The following SYNJ2BP variants were observed in gnomAD, a reference collection of about 807,000 sequenced individuals.
SYNJ2BP encodes the protein synaptojanin-2-binding protein.
In SYNJ2BP, 10 loss-of-function variants were observed where a neutral mutation model predicts 16.9. The ratio of observed to expected loss-of-function variants is 0.59; its 90% CI spans 0.36 to 1.00. The LOEUF is 1.00. Ranked by LOEUF, SYNJ2BP falls within the 50% of genes least tolerant of loss-of-function variation. SYNJ2BP has a pLI of 0.01. For synonymous variants in SYNJ2BP, 54 were observed against 68.4 expected (o/e 0.79, Z 1.04); for missense variants, 162 against 186.7 (o/e 0.87, Z 0.77).
chr14:70,405,599 T>C (rs1888328636), intron 1 of SYNJ2BP, among the ~76,000 whole-genome samples: 1 of 152,088 alleles, frequency 6.6e-6, no homozygotes, highest in African/African-American at 2.4e-5. Context: ...CTCAAAATAA[T>C]GGGTTTTGGG....
intron 2 of SYNJ2BP, among the ~76,000 whole-genome samples, chr14:70,384,941 T>C (rs1284817393): frequency 6.6e-6 from 1 of 152,194 alleles, no homozygotes; most frequent in Non-Finnish European, 1.5e-5. Flanking sequence ...CTGATATGTC[T>C]TCTATCTCTG....
At chr14:70,413,691 G>T (rs1264982778) in intron 1 of SYNJ2BP, among the ~76,000 whole-genome samples, 1 of 152,176 alleles carries the variant, frequency 6.6e-6, no homozygotes, top group African/African-American at 2.4e-5. Flanking sequence ...CCTAATACAT[G>T]TCAAGCTTCT....
At chr14:70,388,876 T>C (rs1594948675) in intron 1 of SYNJ2BP, among the ~76,000 whole-genome samples, 1 of 151,976 alleles carries the variant, frequency 6.6e-6, no homozygotes, top group Admixed American at 6.6e-5. Context: ...GAAAGATCTA[T>C]ATAGAACTTA....
chr14:70,373,569 T>C (rs1452571136), intron 3 of SYNJ2BP, among the ~76,000 whole-genome samples: 1 of 152,164 alleles, frequency 6.6e-6, no homozygotes, highest in Non-Finnish European at 1.5e-5. Flanking sequence ...AGAGCAGATG[T>C]GGGCAATGTC....
intron 2 of SYNJ2BP, among the ~76,000 whole-genome samples, chr14:70,388,047 C>T (rs74065333): frequency 0.015 from 2,336 of 152,222 alleles, 36 homozygotes; most frequent in South Asian, 0.035. Context: ...TAACTCCAAC[C>T]TTCCTTCTTT....
Position 70,369,759 on chromosome 14 carries a change from GA to G in SYNJ2BP, c.*3231del, listed in dbSNP as rs1186791570. 6.6e-6 allele frequency: 1 copy of G among 152,108 alleles called. No individual in the cohort carries two copies. The highest frequency in any genetic ancestry group is 1.5e-5 in the Non-Finnish European group (1 of 68,006). The allele number at this position is 152,108 out of a possible 1,614,324, so 9.4% of individuals were successfully genotyped here. ...TAACACATAAGTTGAAACTTCACAGGAAAACAAAGTACAGCTAGTTGAAGCA... is the reference window on the plus strand; with the variant it reads ...TAACACATAAGTTGAAACTTCACAGGAAACAAAGTACAGCTAGTTGAAGCA... On this transcript the variant is annotated 3_prime_UTR_variant, in exon 4 of 4. Coordinates refer to ENST00000256366, the MANE Select transcript of SYNJ2BP (RefSeq NM_018373.3).
intron 1 of SYNJ2BP, among the ~76,000 whole-genome samples, chr14:70,412,633 C>CAGTATATATATGTATGTATAGTATA (rs1386070231): frequency 7.3e-5 from 4 of 55,060 alleles, no homozygotes; most frequent in East Asian, 5.4e-4. Flanking sequence ...TATATAGTAA[C>CAGTATATATATGTATGTATAGTATA]TAGCACACTA....
At chr14:70,414,179 C>A (rs1448189585) in intron 1 of SYNJ2BP, among the ~76,000 whole-genome samples, 1 of 152,148 alleles carries the variant, frequency 6.6e-6, no homozygotes, top group Admixed American at 6.5e-5. Flanking sequence ...TTAACATGAA[C>A]TTGAAACCTT....
At chr14:70,384,796 A>T (rs1197993191) in intron 2 of SYNJ2BP, among the ~76,000 whole-genome samples, 1 of 152,194 alleles carries the variant, frequency 6.6e-6, no homozygotes, top group Non-Finnish European at 1.5e-5. Context: ...CTTAAAACTT[A>T]AAACCATGAT....
At chr14:70,392,189 A>T (rs997581549) in intron 1 of SYNJ2BP, among the ~76,000 whole-genome samples, 12 of 152,366 alleles carry the variant, frequency 7.9e-5, no homozygotes, top group Middle Eastern at 3.4e-3. Flanking sequence ...ATATTGCAGA[A>T]GCAAATCAAC....
At chr14:70,400,731 C>G (rs1888217515) in intron 1 of SYNJ2BP, among the ~76,000 whole-genome samples, 1 of 152,150 alleles carries the variant, frequency 6.6e-6, no homozygotes, top group Non-Finnish European at 1.5e-5. Context: ...CTTTACACAC[C>G]TTGCATGTAA....
intron 2 of SYNJ2BP, among the ~76,000 whole-genome samples, chr14:70,378,996 C>T (rs1887691898): frequency 7.3e-6 from 1 of 136,442 alleles, no homozygotes; most frequent in Admixed American, 7.6e-5. Flanking sequence ...GATTACCATA[C>T]CTTCCCTCTT....
At chr14:70,399,201 C>T (rs978221346) in intron 1 of SYNJ2BP, among the ~76,000 whole-genome samples, 1 of 152,220 alleles carries the variant, frequency 6.6e-6, no homozygotes, top group Non-Finnish European at 1.5e-5. Flanking sequence ...TGGCCCAGCC[C>T]CCATGCTCTG....
intron 1 of SYNJ2BP, among the ~76,000 whole-genome samples, chr14:70,397,547 T>C (rs7158315): frequency 0.87 from 133,099 of 152,194 alleles, 58,268 homozygotes; most frequent in East Asian, 0.93. Flanking sequence ...CTCCAGGTGC[T>C]GGCTCTCTGC....
intron 1 of SYNJ2BP, among the ~76,000 whole-genome samples, chr14:70,410,055 C>T (rs148924237): frequency 6.6e-6 from 1 of 152,232 alleles, no homozygotes; most frequent in African/African-American, 2.4e-5. Flanking sequence ...GAGGTCGAGG[C>T]TGCAGTGAAC....
chr14:70,387,141 A>G (rs931480837), intron 2 of SYNJ2BP, among the ~76,000 whole-genome samples: 6 of 152,170 alleles, frequency 3.9e-5, no homozygotes, highest in African/African-American at 1.4e-4. Flanking sequence ...TATTCTAGAT[A>G]ATATCTCACC....
At chr14:70,408,871 T>C (rs1010153887) in intron 1 of SYNJ2BP, among the ~76,000 whole-genome samples, 1 of 152,060 alleles carries the variant, frequency 6.6e-6, no homozygotes, top group African/African-American at 2.4e-5. Context: ...TCTCGCTGTA[T>C]CGCCCAGGCT....
intron 1 of SYNJ2BP, among the ~76,000 whole-genome samples, chr14:70,414,145 T>C (rs1002861977): frequency 9.9e-5 from 15 of 152,198 alleles, no homozygotes; most frequent in Admixed American, 7.9e-4. Context: ...TATCACATAC[T>C]AGGAAACCAG....
intron 1 of SYNJ2BP, among the ~76,000 whole-genome samples, chr14:70,398,298 T>C (rs544629187): frequency 1.3e-4 from 20 of 152,268 alleles, no homozygotes; most frequent in Non-Finnish European, 2.1e-4. Flanking sequence ...CAGGCCCACC[T>C]TGGCCTGAAG....
Sources: allele counts gnomAD v4.1 joint callset (sites outside exome capture counted in the v4.1 genomes callset), GRCh38; gene constraint gnomAD v4.1.1; transcripts MANE v1.5; gene names NCBI Gene and HGNC (gene_info 2026-07-23, HGNC 2026-07-21).